Variants in KCNMB4 observed in about 807,000 individuals in gnomAD.
KCNMB4 encodes potassium calcium-activated channel subfamily M regulatory beta subunit 4, also known as calcium-activated potassium channel subunit beta-4.
A neutral mutation model predicts 20.7 loss-of-function variants in KCNMB4; 3 were observed. The ratio of observed to expected loss-of-function variants is 0.14; its 90% CI spans 0.07 to 0.37. The LOEUF (loss-of-function observed/expected upper bound fraction) is 0.37, where lower values mean the gene tolerates loss of function less well. KCNMB4 is among the 10% of genes least tolerant of loss of function. The probability of loss-of-function intolerance (pLI) is 1.00; values close to 1 mark genes in which losing one functional copy is unlikely to be tolerated. For missense variants in KCNMB4, 168 were observed against 265.9 expected, an observed-to-expected ratio of 0.63 and a Z score of 2.56; for synonymous variants, 110 against 113.4, an observed-to-expected ratio of 0.97 and a Z score of 0.19.
chr12:70,430,827 A>C lies in KCNMB4; in HGVS notation c.*174A>C. 5.2e-6 allele frequency: 3 copies of C among 576,780 alleles called. No homozygotes were observed. The highest frequency in any genetic ancestry group is 8.7e-6 in the Non-Finnish European group (3 of 345,920). 35.7% of individuals were successfully genotyped at this position (576,780 alleles called of 1,614,324 possible). A position where few individuals can be genotyped will look rare whatever the true frequency, so the allele number is the denominator to read the frequency against. ...GCACAACTGGAAGACTTGGAACCTC[A>C]AAGCTTGTATTCCATCTGCTGTAGC... On this transcript the variant is annotated 3_prime_UTR_variant, in exon 3 of 3. Coordinates refer to ENST00000258111, the MANE Select transcript of KCNMB4 (RefSeq NM_014505.6).
chr12:70,399,041 C>T (rs1868389714), intron 1 of KCNMB4, among the ~76,000 whole-genome samples: 1 of 152,156 alleles, frequency 6.6e-6, no homozygotes, highest in Non-Finnish European at 1.5e-5. Flanking sequence ...AGTAGGTTGA[C>T]AGCACGTGGC....
chr12:70,373,534 G>A lies in KCNMB4; in HGVS notation c.336+6464G>A, dbSNP rs372425034. Among the ~76,000 whole-genome samples the A allele has an allele frequency of 7.2e-4, 110 of 152,274 alleles. 1 individual carries two copies. The highest frequency in any genetic ancestry group is 2.6e-3 in the African/African-American group (108 of 41,570). On this transcript the variant is annotated intron_variant, in intron 1 of 2. Transcript: ENST00000258111. ...GAAGAGAACGCAGCCTGGCATCTTG[G>A]TTTTAGCCCAGTGAGACACATTCTA... is the stretch of plus-strand genomic sequence containing the variant.
intron 2 of KCNMB4, among the ~76,000 whole-genome samples, chr12:70,428,481 C>G (rs965429273): frequency 2.0e-5 from 3 of 152,184 alleles, no homozygotes; most frequent in Non-Finnish European, 4.4e-5. Context: ...TTCCCTCACA[C>G]TTAGGGAGAG....
At chr12:70,367,216 T>C in intron 1 of KCNMB4, 146 bp downstream of exon 1, 1 of 587,148 alleles carries the variant, frequency 1.7e-6, no homozygotes, top group South Asian at 3.4e-5. Context: ...AAACCAGGAA[T>C]GACTACATCA....
intron 2 of KCNMB4, among the ~76,000 whole-genome samples, chr12:70,415,008 G>A (rs139224696): frequency 3.3e-4 from 51 of 152,250 alleles, no homozygotes; most frequent in African/African-American, 1.0e-3. Context: ...AAAAGGACTA[G>A]GACATAGACC....
rs949692970 is a variant in KCNMB4 at position 70,431,843 on chromosome 12, G to C, written c.*1190G>C. The C allele has an allele frequency of 6.6e-6, 1 of 152,010 alleles. No individual in the cohort carries two copies. Among genetic ancestry groups the C allele is most frequent in the East Asian group, 1.9e-4 (1 of 5,184 alleles). The allele number at this position is 152,010 out of a possible 1,614,324, so 9.4% of individuals were successfully genotyped here. Reference sequence around the variant, plus strand: ...TTAGGTGAGATGTACATCGTTAGTGGAGGAAAAACTGACAACCTAATTTCA... The same window carrying C: ...TTAGGTGAGATGTACATCGTTAGTGCAGGAAAAACTGACAACCTAATTTCA... On this transcript the variant is annotated 3_prime_UTR_variant, in exon 3 of 3. Transcript: ENST00000258111.
intron 1 of KCNMB4, among the ~76,000 whole-genome samples, chr12:70,370,354 CTGGAG>C (rs1303264962): frequency 6.6e-6 from 1 of 150,964 alleles, no homozygotes; most frequent in Non-Finnish European, 1.5e-5. Flanking sequence ...GTCGCCCAGG[CTGGAG>C]TGCATTGGCA....
intron 1 of KCNMB4, among the ~76,000 whole-genome samples, chr12:70,390,764 C>T (rs2136124627): frequency 6.6e-6 from 1 of 152,290 alleles, no homozygotes; most frequent in African/African-American, 2.4e-5. Context: ...TCTGTAGGAA[C>T]AATCGTGAAG....
rs377587480 is a variant in KCNMB4, at chr12:70,389,790, CA to C, written c.337-10418del. ...AACTGGATGCACCTTAGGCCTGCTGCATCTTTCTTGTGTTGAGTACCTTGTT... is the reference window on the plus strand; with the variant it reads ...AACTGGATGCACCTTAGGCCTGCTGCTCTTTCTTGTGTTGAGTACCTTGTT... On this transcript the variant is annotated intron_variant, in intron 1 of 2. Coordinates refer to ENST00000258111, the MANE Select transcript of KCNMB4 (RefSeq NM_014505.6). Among the ~76,000 whole-genome samples, 100 of 152,334 alleles carry C rather than the reference CA, an allele frequency of 6.6e-4. 1 individual carries two copies. Among genetic ancestry groups the C allele is most frequent in the African/African-American group, 2.4e-3 (98 of 41,574 alleles).
chr12:70,398,632 A>ATG lies in KCNMB4; in HGVS notation c.337-1576_337-1575insGT, dbSNP rs150734943. 4.3e-3 allele frequency among the ~76,000 whole-genome samples: 649 copies of ATG among 152,196 alleles called. 2 individuals carry two copies. Among genetic ancestry groups the ATG allele is most frequent in the Non-Finnish European group, 7.8e-3 (531 of 68,006 alleles). ...ATTTACTAAAATTTATAATGTCTATATTTTTTAAAAGTTTAAACACTGTGA... is the reference window on the plus strand; with the variant it reads ...ATTTACTAAAATTTATAATGTCTATATGTTTTTTAAAAGTTTAAACACTGTGA... On this transcript the variant is annotated intron_variant, in intron 1 of 2. Transcript: ENST00000258111.
intron 2 of KCNMB4, among the ~76,000 whole-genome samples, chr12:70,425,339 G>A (rs1366815250): frequency 1.3e-5 from 2 of 152,160 alleles, no homozygotes; most frequent in African/African-American, 4.8e-5. Flanking sequence ...TCGGGAGGCT[G>A]AGGCAGGAGA....
intron 2 of KCNMB4, among the ~76,000 whole-genome samples, chr12:70,410,166 T>G (rs1166352395): frequency 1.3e-5 from 2 of 152,226 alleles, no homozygotes; most frequent in Non-Finnish European, 2.9e-5. Flanking sequence ...TGGTCTTAGA[T>G]ATGTTACTTA....
In KCNMB4 at chr12:70,430,769, G is replaced by A; in HGVS notation, c.*116G>A. 1 of 1,002,190 alleles carries A rather than the reference G, an allele frequency of 1.0e-6. No individual in the cohort carries two copies. Among genetic ancestry groups the A allele is most frequent in the Non-Finnish European group, 1.4e-6 (1 of 727,136 alleles). 62.1% of individuals were successfully genotyped at this position (1,002,190 alleles called of 1,614,324 possible). The stretch of plus-strand genomic sequence containing the variant: ...ATGGACAGGGCCACGACAGGGCTCT[G>A]AGAGGCTCATCCCTCAGTGGCAACA... On this transcript the variant is annotated 3_prime_UTR_variant, in exon 3 of 3. Transcript: ENST00000258111.
chr12:70,427,885 C>T (rs370314105), intron 2 of KCNMB4, among the ~76,000 whole-genome samples: 18 of 152,266 alleles, frequency 1.2e-4, no homozygotes, highest in African/African-American at 3.6e-4. Flanking sequence ...CGAGGATCCA[C>T]GCTGAAGCAT....
At chr12:70,420,440 A>T (rs1450184611) in intron 2 of KCNMB4, among the ~76,000 whole-genome samples, 1 of 152,094 alleles carries the variant, frequency 6.6e-6, no homozygotes, top group Non-Finnish European at 1.5e-5. Context: ...GTAGTAGGGG[A>T]TGTGATCAGG....
At chr12:70,400,027 T>C (rs573353123) in intron 1 of KCNMB4, among the ~76,000 whole-genome samples, 182 bp from the exon 2 acceptor site, 76 of 152,328 alleles carry the variant, frequency 5.0e-4, no homozygotes, top group African/African-American at 1.8e-3. Flanking sequence ...GAATACTTTC[T>C]GTCCTTGTGC....
intron 2 of KCNMB4, among the ~76,000 whole-genome samples, chr12:70,405,913 T>C (rs564681546): frequency 3.4e-4 from 52 of 152,094 alleles, no homozygotes; most frequent in Non-Finnish European, 6.8e-4. Flanking sequence ...AAAGAAAATA[T>C]GGTATGTACA....
chr12:70,372,231 C>G (rs1883608893), intron 1 of KCNMB4, among the ~76,000 whole-genome samples: 1 of 152,130 alleles, frequency 6.6e-6, no homozygotes, highest in African/African-American at 2.4e-5. Flanking sequence ...GGTTAGGGTC[C>G]TAAAGAACAC....
chr12:70,375,627 AG>A (rs1233100769), intron 1 of KCNMB4, among the ~76,000 whole-genome samples: 1 of 152,120 alleles, frequency 6.6e-6, no homozygotes, highest in Non-Finnish European at 1.5e-5. Context: ...GAACAGAGCA[AG>A]ACCCCATCTC....
Sources: gnomAD v4.1 joint callset for allele counts (sites outside exome capture counted in the v4.1 genomes callset) on GRCh38, gnomAD v4.1.1 for gene constraint, MANE v1.5 for transcripts, NCBI Gene and HGNC (gene_info 2026-07-23, HGNC 2026-07-21) for gene names.